Variants in CCDC171 observed in about 807,000 individuals in gnomAD.
The protein encoded by CCDC171 is coiled-coil domain-containing protein 171.
Under a neutral mutation model 168.2 loss-of-function variants are expected in CCDC171, and 177 were observed. That is an observed-to-expected ratio of 1.05 (90% CI 0.93 to 1.19). CCDC171 has a LOEUF of 1.19. Ranked by LOEUF, CCDC171 falls within the 50% of genes most tolerant of loss-of-function variation. The probability of loss-of-function intolerance (pLI) is 0.00; values close to 1 mark genes in which losing one functional copy is unlikely to be tolerated. For missense variants in CCDC171, 1,991 were observed against 1,539.0 expected (o/e 1.29, Z -4.91); for synonymous variants, 687 against 540.8 (o/e 1.27, Z -3.75).
chr9:16,010,152 A>ATG (rs1276224361), intron 3 of CCDC171, among the ~76,000 whole-genome samples: 2 of 152,006 alleles, frequency 1.3e-5, no homozygotes, highest in South Asian at 2.1e-4. Context: ...TGAAGTCTGA[A>ATG]TGTGTGTGTG....
chr9:15,978,684 G>A (rs1337136202), downstream of CCDC171, among the ~76,000 whole-genome samples: 1 of 152,084 alleles, frequency 6.6e-6, no homozygotes, highest in Non-Finnish European at 1.5e-5. Flanking sequence ...ATAAGAATTC[G>A]AACACCTAGG....
At chr9:15,631,127 C>G (rs577168019) in intron 7 of CCDC171, among the ~76,000 whole-genome samples, 1 of 152,022 alleles carries the variant, frequency 6.6e-6, no homozygotes, top group Non-Finnish European at 1.5e-5. Context: ...GAAGCAAGAG[C>G]AAACACATTC....
intron 10 of CCDC171, among the ~76,000 whole-genome samples, chr9:15,680,541 T>C (rs1224829719): frequency 1.3e-5 from 2 of 152,194 alleles, no homozygotes; most frequent in African/African-American, 4.8e-5. Flanking sequence ...TTTCAGATGA[T>C]CCAATATTAT....
intron 21 of CCDC171, among the ~76,000 whole-genome samples, chr9:15,813,695 A>T (rs2059449515): frequency 6.6e-6 from 1 of 152,036 alleles, no homozygotes; most frequent in Non-Finnish European, 1.5e-5. Flanking sequence ...TGGGCTAGAG[A>T]TCTACCTATT....
At chr9:15,958,164 G>C (rs886996537) in intron 25 of CCDC171, among the ~76,000 whole-genome samples, 2 of 151,952 alleles carry the variant, frequency 1.3e-5, no homozygotes, top group African/African-American at 2.4e-5. Flanking sequence ...CAACAGGCAG[G>C]TGTATAGAGT....
chr9:15,808,469 A>G (rs1588626368), intron 21 of CCDC171, among the ~76,000 whole-genome samples: 2 of 152,210 alleles, frequency 1.3e-5, no homozygotes, highest in African/African-American at 4.8e-5. Context: ...TGAATCAATC[A>G]TTGGATGTAA....
chr9:16,040,142 C>T (rs915717834), upstream of CCDC171, among the ~76,000 whole-genome samples: 2 of 152,148 alleles, frequency 1.3e-5, no homozygotes, highest in African/African-American at 2.4e-5. Flanking sequence ...CTCCACAGTC[C>T]CTCCTCTGCA....
In CCDC171 at chr9:15,911,654, C is replaced by G. The variant is rs146682782; in HGVS notation, c.3601-8616C>G. 1.7e-3 allele frequency among the ~76,000 whole-genome samples: 253 copies of G among 152,108 alleles called. 1 individual carries two copies. The highest frequency in any genetic ancestry group is 6.8e-3 in the Middle Eastern group (2 of 294). ...TGTCCTGAATGGTATTGCCTAGGTTCTCTTGTTGGATTTTTATGGTTTTAG... is the reference window on the plus strand; with the variant it reads ...TGTCCTGAATGGTATTGCCTAGGTTGTCTTGTTGGATTTTTATGGTTTTAG... On this transcript the variant is annotated intron_variant, in intron 24 of 25. Coordinates refer to ENST00000380701, the MANE Select transcript of CCDC171 (RefSeq NM_173550.4).
intron 11 of CCDC171, among the ~76,000 whole-genome samples, chr9:15,717,012 C>T (rs1048078005): frequency 3.9e-5 from 6 of 152,176 alleles, no homozygotes; most frequent in Non-Finnish European, 8.8e-5. Context: ...AAAAAACCAC[C>T]TTCATAAGAA....
intron 18 of CCDC171, among the ~76,000 whole-genome samples, chr9:15,765,755 G>C (rs1218506132): frequency 6.6e-6 from 1 of 152,132 alleles, no homozygotes; most frequent in Non-Finnish European, 1.5e-5. Flanking sequence ...TATTTAATCA[G>C]GGTGGGGGTT....
chr9:15,737,675 A>T (rs535254861), intron 16 of CCDC171, among the ~76,000 whole-genome samples: 1 of 152,198 alleles, frequency 6.6e-6, no homozygotes, highest in African/African-American at 2.4e-5. Flanking sequence ...TTAGAAACAA[A>T]ACAATAAACC....
intron 21 of CCDC171, among the ~76,000 whole-genome samples, chr9:15,792,132 C>T (rs2058301051): frequency 6.6e-6 from 1 of 152,128 alleles, no homozygotes; most frequent in Admixed American, 6.5e-5. Context: ...CCTTAAATGA[C>T]CTGATGGAGC....
chr9:15,591,035 A>G (rs2041974337), intron 4 of CCDC171, among the ~76,000 whole-genome samples: 1 of 151,920 alleles, frequency 6.6e-6, no homozygotes, highest in African/African-American at 2.4e-5. Flanking sequence ...CTTGAATAGG[A>G]CAAAAACCAA....
intron 25 of CCDC171, among the ~76,000 whole-genome samples, chr9:15,925,969 G>T (rs1483750649): frequency 6.6e-6 from 1 of 151,598 alleles, no homozygotes; most frequent in Non-Finnish European, 1.5e-5. Flanking sequence ...ATTATTTGAG[G>T]TATGGAGACA....
intron 18 of CCDC171, among the ~76,000 whole-genome samples, chr9:15,762,954 C>T (rs1419726481): frequency 1.3e-5 from 2 of 152,154 alleles, no homozygotes; most frequent in Non-Finnish European, 2.9e-5. Flanking sequence ...AGGCTGTCCT[C>T]ACTTCTGACA....
intron 6 of CCDC171, among the ~76,000 whole-genome samples, chr9:15,598,042 C>A (rs1450812627): frequency 6.6e-6 from 1 of 152,018 alleles, no homozygotes; most frequent in Non-Finnish European, 1.5e-5. Context: ...CTCTTTTCTT[C>A]TTTATGATTA....
intron 3 of CCDC171, among the ~76,000 whole-genome samples, chr9:15,998,129 G>C (rs1832427705): frequency 6.6e-6 from 1 of 152,174 alleles, no homozygotes; most frequent in African/African-American, 2.4e-5. Context: ...GTCCCCCAGA[G>C]AGATCAGAAT....
chr9:15,717,949 C>G (rs80040123), intron 11 of CCDC171, among the ~76,000 whole-genome samples: 4,934 of 152,312 alleles, frequency 0.032, 135 homozygotes, highest in Non-Finnish European at 0.047. Context: ...TGCTTGAGAA[C>G]AGCAGAGAGA....
At chr9:15,825,760 A>T (rs2059985953) in intron 21 of CCDC171, among the ~76,000 whole-genome samples, 1 of 152,144 alleles carries the variant, frequency 6.6e-6, no homozygotes. Flanking sequence ...GAAGTGTCTT[A>T]ATCTGCAGCT....
Sources: gnomAD v4.1 joint callset for allele counts (sites outside exome capture counted in the v4.1 genomes callset) on GRCh38, gnomAD v4.1.1 for gene constraint, MANE v1.5 for transcripts, NCBI Gene and HGNC (gene_info 2026-07-23, HGNC 2026-07-21) for gene names.